Variants in RGS6 observed in about 807,000 individuals in gnomAD.
RGS6 encodes the protein regulator of G protein signaling 6, also known as regulator of G-protein signaling 6.
RGS6 carries 30 observed loss-of-function variants against 78.5 expected under a neutral mutation model. The ratio of observed to expected loss-of-function variants is 0.38; its 90% confidence interval spans 0.29 to 0.52. RGS6 has a LOEUF of 0.52. Ranked by LOEUF, RGS6 falls within the 20% of genes least tolerant of loss-of-function variation. The pLI is 0.85. For synonymous variants in RGS6, 206 were observed against 206.0 expected (o/e 1.00, Z 0.00); for missense variants, 495 against 609.7 (o/e 0.81, Z 1.98).
chr14:72,337,743 T>A (rs1180947735), intron 2 of RGS6, among the ~76,000 whole-genome samples: 1 of 152,208 alleles, frequency 6.6e-6, no homozygotes, highest in African/African-American at 2.4e-5. Flanking sequence ...CCTTTTAATC[T>A]GTATGATTAA....
intron 2 of RGS6, among the ~76,000 whole-genome samples, chr14:72,253,193 T>C (rs1317150370): frequency 6.6e-6 from 1 of 152,216 alleles, no homozygotes; most frequent in Non-Finnish European, 1.5e-5. Context: ...ATCATGTGAC[T>C]CAGCCATGCT....
the RGS6 span, among the ~76,000 whole-genome samples, chr14:72,624,883 T>A: frequency 6.6e-6 from 1 of 152,258 alleles, no homozygotes; most frequent in Non-Finnish European, 1.5e-5. Flanking sequence ...TAAAGTAATG[T>A]TGTGCCCTTC....
intron 2 of RGS6, among the ~76,000 whole-genome samples, chr14:72,173,463 G>A (rs2097056538): frequency 6.6e-6 from 1 of 152,184 alleles, no homozygotes; most frequent in Admixed American, 6.5e-5. Context: ...ATGGTTTTCT[G>A]CAGGGCATCC....
chr14:72,351,848 A>C (rs887827057), intron 2 of RGS6, among the ~76,000 whole-genome samples: 1 of 152,064 alleles, frequency 6.6e-6, no homozygotes, highest in African/African-American at 2.4e-5. Context: ...CTTCCTCCAT[A>C]CCTTGTTGAA....
chr14:72,254,935 T>A (rs1043903602), intron 2 of RGS6, among the ~76,000 whole-genome samples: 1 of 152,212 alleles, frequency 6.6e-6, no homozygotes, highest in Non-Finnish European at 1.5e-5. Flanking sequence ...GAGCAGTGTT[T>A]TAACCATATT....
At chr14:71,925,738 A>ATATTATTATATTATATTATATTC in the RGS6 span, among the ~76,000 whole-genome samples, 1 of 150,502 alleles carries the variant, frequency 6.6e-6, no homozygotes, top group African/African-American at 2.4e-5. Flanking sequence ...ATATTATATT[A>ATATTATTATATTATATTATATTC]TAAGGTTTAT....
rs547190809 is a variant in RGS6 at position 72,357,146 on chromosome 14, C to A, written c.184+4952C>A. 3.9e-5 allele frequency among the ~76,000 whole-genome samples: 6 copies of A among 152,176 alleles called. No individual in the cohort carries two copies. In the East Asian group the frequency reaches 1.2e-3, roughly 29 times the overall value. ...ATTAGCTCAGTGGTAGTGGCACGCACCTGTAATCCCAGCTACTTGGGAGGC... is the reference window on the plus strand; with the variant it reads ...ATTAGCTCAGTGGTAGTGGCACGCAACTGTAATCCCAGCTACTTGGGAGGC... On this transcript the variant is annotated intron_variant, in intron 3 of 17. Coordinates refer to ENST00000553525, the MANE Select transcript of RGS6 (RefSeq NM_001204424.2).
intron 6 of RGS6, among the ~76,000 whole-genome samples, chr14:72,464,537 A>G (rs1254572640): frequency 6.6e-6 from 1 of 152,204 alleles, no homozygotes; most frequent in Non-Finnish European, 1.5e-5. Context: ...TCCAGCAAAG[A>G]GTTGACTAGA....
intron 2 of RGS6, among the ~76,000 whole-genome samples, chr14:72,062,747 GA>G (rs943183016): frequency 2.7e-4 from 41 of 152,336 alleles, no homozygotes; most frequent in African/African-American, 9.6e-4. Flanking sequence ...GACTTCAGGG[GA>G]AAGTTTAGGA....
chr14:71,896,318 T>C, the RGS6 span, among the ~76,000 whole-genome samples: 1 of 152,206 alleles, frequency 6.6e-6, no homozygotes, highest in East Asian at 1.9e-4. Flanking sequence ...TTCTTGATTA[T>C]ATGCTAAATA....
At position 72,450,673 on chromosome 14, in the gene RGS6, A is replaced by G. The variant is rs78618925; in HGVS notation, c.185-3855A>G. ...AAGCAGCTTGACTAAGATAAGATCCAGAAACCAGTCGTGGTAACAAGGCAA... is the reference window on the plus strand; with the variant it reads ...AAGCAGCTTGACTAAGATAAGATCCGGAAACCAGTCGTGGTAACAAGGCAA... On this transcript the variant is annotated intron_variant, in intron 3 of 17. Coordinates refer to ENST00000553525, the MANE Select transcript of RGS6 (RefSeq NM_001204424.2). Among the ~76,000 whole-genome samples the G allele has an allele frequency of 7.1e-3, 1,075 of 152,354 alleles. 11 individuals are homozygous for G. The highest frequency in any genetic ancestry group is 0.024 in the African/African-American group (1,001 of 41,574).
intron 2 of RGS6, among the ~76,000 whole-genome samples, chr14:72,130,076 G>A (rs1392351557): frequency 1.3e-5 from 2 of 152,100 alleles, no homozygotes; most frequent in East Asian, 3.9e-4. Context: ...GTGGGGGTTG[G>A]GAGAACCCCC....
the RGS6 span, among the ~76,000 whole-genome samples, chr14:71,897,313 C>G: frequency 2.6e-5 from 4 of 152,138 alleles, no homozygotes; most frequent in Non-Finnish European, 5.9e-5. Flanking sequence ...GTGGCCTTAG[C>G]AAATTGCTTA....
intron 17 of RGS6, among the ~76,000 whole-genome samples, chr14:72,543,484 G>A (rs1235627725): frequency 6.6e-6 from 1 of 152,198 alleles, no homozygotes; most frequent in Admixed American, 6.5e-5. Context: ...CACAGTGGCT[G>A]TAACATATGA....
intron 2 of RGS6, among the ~76,000 whole-genome samples, chr14:72,100,871 A>G (rs2095514597): frequency 6.6e-6 from 1 of 152,186 alleles, no homozygotes; most frequent in South Asian, 2.1e-4. Context: ...TTAAAAATGT[A>G]TGTTCGGCCA....
intron 8 of RGS6, 59 bp downstream of exon 8, chr14:72,470,142 G>A: frequency 7.7e-7 from 1 of 1,294,754 alleles, no homozygotes; most frequent in South Asian, 1.2e-5. Context: ...TTTGGAAATG[G>A]TGTGAAGGTG....
chr14:72,001,397 A>G (rs1257106664), intron 2 of RGS6, among the ~76,000 whole-genome samples: 5 of 152,032 alleles, frequency 3.3e-5, no homozygotes, highest in Non-Finnish European at 5.9e-5. Context: ...CCTTTTCTAG[A>G]AAAAACGTTA....
At chr14:72,478,218 A>G (rs1207411888) in intron 11 of RGS6, 50 bp from the exon 12 acceptor site, 1 of 1,454,064 alleles carries the variant, frequency 6.9e-7, no homozygotes, top group East Asian at 2.3e-5. Flanking sequence ...AGCGAGGGGA[A>G]AAAAATAATT....
At chr14:72,547,641 G>T (rs1333878583) in intron 17 of RGS6, among the ~76,000 whole-genome samples, 3 of 152,150 alleles carry the variant, frequency 2.0e-5, no homozygotes. Flanking sequence ...GCCCAAAGGT[G>T]GATGAGAGAA....
Sources: allele counts gnomAD v4.1 joint callset (sites outside exome capture counted in the v4.1 genomes callset), GRCh38; gene constraint gnomAD v4.1.1; transcripts MANE v1.5; gene names NCBI Gene and HGNC (gene_info 2026-07-23, HGNC 2026-07-21).